TMCC1: variants seen among roughly 807,000 people sequenced by gnomAD.
TMCC1 encodes the protein transmembrane and coiled-coil domain family 1.
TMCC1 carries 15 observed loss-of-function variants against 52.4 expected under a neutral mutation model. The ratio of observed to expected loss-of-function variants is 0.29; its 90% confidence interval spans 0.19 to 0.44. The LOEUF (loss-of-function observed/expected upper bound fraction) is 0.44, where lower values mean the gene tolerates loss of function less well. Ranked by LOEUF, TMCC1 falls within the 20% of genes least tolerant of loss-of-function variation. The pLI is 1.00. For synonymous variants in TMCC1, 279 were observed against 301.9 expected (o/e 0.92, Z 0.79); for missense variants, 503 against 806.0 (o/e 0.62, Z 4.55).
chr3:129,761,276 CGAG>C (rs1560356137), intron 4 of TMCC1, among the ~76,000 whole-genome samples: 1 of 146,458 alleles, frequency 6.8e-6, no homozygotes, highest in African/African-American at 2.5e-5. Context: ...TGCAGTGAGC[CGAG>C]ATGGCGCCAC....
intron 4 of TMCC1, among the ~76,000 whole-genome samples, chr3:129,716,636 A>G (rs148986921): frequency 0.016 from 2,378 of 151,626 alleles, 47 homozygotes; most frequent in African/African-American, 0.055. Flanking sequence ...GGCATGAGCC[A>G]CTGTGCCTGG....
At chr3:129,845,190 T>TCA (rs67832332) in intron 2 of TMCC1, among the ~76,000 whole-genome samples, 177 of 149,084 alleles carry the variant, frequency 1.2e-3, no homozygotes, top group African/African-American at 3.3e-3. Flanking sequence ...CCTGTCACAC[T>TCA]CACACACACA....
At chr3:129,695,655 C>G (rs1444922429) in intron 4 of TMCC1, among the ~76,000 whole-genome samples, 1 of 152,086 alleles carries the variant, frequency 6.6e-6, no homozygotes. Context: ...ATTAAATTAC[C>G]TCCCACCAGG....
At chr3:129,678,680 G>C (rs2088691997) in intron 4 of TMCC1, among the ~76,000 whole-genome samples, 1 of 151,970 alleles carries the variant, frequency 6.6e-6, no homozygotes, top group Non-Finnish European at 1.5e-5. Context: ...ATTCTTTATA[G>C]TAACACTATG....
At chr3:129,658,936 C>T (rs909982248) in intron 5 of TMCC1, among the ~76,000 whole-genome samples, 1 of 151,862 alleles carries the variant, frequency 6.6e-6, no homozygotes, top group Non-Finnish European at 1.5e-5. Flanking sequence ...AAAATGAGAC[C>T]CTGCTACCAG....
At chr3:129,732,671 A>T (rs2050634200) in intron 4 of TMCC1, among the ~76,000 whole-genome samples, 1 of 151,954 alleles carries the variant, frequency 6.6e-6, no homozygotes, top group Admixed American at 6.6e-5. Context: ...AAGCAAGCAG[A>T]TGAAGGAGAG....
chr3:129,666,567 C>T (rs1181589613), intron 5 of TMCC1, among the ~76,000 whole-genome samples: 4 of 151,534 alleles, frequency 2.6e-5, no homozygotes, highest in Admixed American at 6.6e-5. Context: ...GGTAAAACCC[C>T]GCCTCTCTTA....
chr3:129,726,117 CAA>C (rs1189116883), intron 4 of TMCC1, among the ~76,000 whole-genome samples: 1 of 152,070 alleles, frequency 6.6e-6, no homozygotes, highest in Non-Finnish European at 1.5e-5. Flanking sequence ...TAATATGGAA[CAA>C]AAAGAGTCAG....
chr3:129,747,194 C>CAT (rs1170123629), intron 4 of TMCC1, among the ~76,000 whole-genome samples: 4 of 152,044 alleles, frequency 2.6e-5, no homozygotes, highest in African/African-American at 9.7e-5. Flanking sequence ...CCCTCAGTTA[C>CAT]ATATATATAA....
intron 4 of TMCC1, among the ~76,000 whole-genome samples, chr3:129,735,409 T>C (rs1420371768): frequency 6.6e-6 from 1 of 152,016 alleles, no homozygotes; most frequent in African/African-American, 2.4e-5. Flanking sequence ...CTTTGGGAGC[T>C]GAGGCAGGAG....
chr3:129,763,240 AAATAAATAAAT>A (rs1402489331), intron 4 of TMCC1, among the ~76,000 whole-genome samples: 13 of 145,620 alleles, frequency 8.9e-5, no homozygotes, highest in African/African-American at 3.3e-4. Flanking sequence ...ATAAATAAAT[AAATAAATAAAT>A]ATCATTATAT....
rs559777466 is a variant in TMCC1 at position 129,881,154 on chromosome 3, C to T, written c.-434-595G>A. 9.9e-5 allele frequency among the ~76,000 whole-genome samples: 15 copies of T among 152,110 alleles called. No individual in the cohort carries two copies. In the East Asian group the frequency reaches 2.1e-3, roughly 22 times the overall value. On this transcript the variant is annotated intron_variant, in intron 1 of 6. Coordinates refer to ENST00000393238, the MANE Select transcript of TMCC1 (RefSeq NM_001017395.5). ...TGGGATTACAGGTGTGAGCCACCTG[C>T]GCCCAGCCTAAAATTTTTTAAATTA...
rs1363182569 is a variant in TMCC1 at position 129,763,358 on chromosome 3, C to T, written c.576+64445G>A. Reference sequence around the variant, plus strand: ...AGGAGTTTGAGACCAGTCTGGGCAACATGGTAAAACCCTGTCTCTACTAAA... The same window carrying T: ...AGGAGTTTGAGACCAGTCTGGGCAATATGGTAAAACCCTGTCTCTACTAAA... On this transcript the variant is annotated intron_variant, in intron 4 of 6. Transcript: ENST00000393238. Among the ~76,000 whole-genome samples the T allele has an allele frequency of 2.7e-5, 4 of 149,122 alleles. No individual in the cohort carries two copies. In the East Asian group the frequency reaches 5.9e-4, roughly 22 times the overall value.
rs541990263 is a variant in TMCC1 at position 129,801,194 on chromosome 3, T to C, written c.576+26609A>G. ...TGCCTCGGCCTCCCAAAGTGCTTGC[T>C]AGGATTACAGGCGTGAGCCACCATG... On this transcript the variant is annotated intron_variant, in intron 4 of 6. Transcript: ENST00000393238. Among the ~76,000 whole-genome samples the C allele has an allele frequency of 7.2e-5, 11 of 152,200 alleles. No individual in the cohort carries two copies. The South Asian group carries it at 2.3e-3, about 32-fold the overall frequency.
At chr3:129,820,240 C>G (rs1210836469) in intron 4 of TMCC1, among the ~76,000 whole-genome samples, 1 of 151,464 alleles carries the variant, frequency 6.6e-6, no homozygotes, top group Non-Finnish European at 1.5e-5. Flanking sequence ...GTAAGTCATT[C>G]CAACTTCATC....
At position 129,887,556 on chromosome 3, in the gene TMCC1, AAAC is replaced by A. The variant is rs1442605799; in HGVS notation, c.-435+5935_-435+5937del. ...ACTCCGTCTCTCAAAAAAAAAAAAA[AAAC>A]AACAAAAAAGAACTTCTAAATGTTA... On this transcript the variant is annotated intron_variant, in intron 1 of 6. Transcript: ENST00000393238. Among the ~76,000 whole-genome samples the A allele has an allele frequency of 4.2e-4, 63 of 151,660 alleles. 1 individual carries two copies. The highest frequency in any genetic ancestry group is 1.5e-3 in the African/African-American group (63 of 41,298).
chr3:129,858,134 T>C (rs565772771), intron 2 of TMCC1, among the ~76,000 whole-genome samples: 6 of 151,934 alleles, frequency 3.9e-5, no homozygotes, highest in African/African-American at 1.4e-4. Context: ...TGAGCCTAAA[T>C]GGCATGCTCA....
chr3:129,709,946 G>T (rs569505175), intron 4 of TMCC1, among the ~76,000 whole-genome samples: 2 of 152,054 alleles, frequency 1.3e-5, no homozygotes, highest in African/African-American at 2.4e-5. Flanking sequence ...CAGCACTTTG[G>T]GGGGCTGAGG....
intron 4 of TMCC1, among the ~76,000 whole-genome samples, chr3:129,790,100 G>A (rs1283376363): frequency 6.6e-6 from 1 of 152,066 alleles, no homozygotes; most frequent in Non-Finnish European, 1.5e-5. Context: ...AGGTATGATT[G>A]AAAAAGAATC....
Sources: allele counts gnomAD v4.1 joint callset (sites outside exome capture counted in the v4.1 genomes callset), GRCh38; gene constraint gnomAD v4.1.1; transcripts MANE v1.5; gene names NCBI Gene and HGNC (gene_info 2026-07-23, HGNC 2026-07-21).